Variants in ZNF423 observed in about 807,000 individuals in gnomAD.
The protein encoded by ZNF423 is Ebf-associated zinc finger protein.
Under a neutral mutation model 95.8 loss-of-function variants are expected in ZNF423, and 12 were observed. The observed-to-expected ratio is 0.13, with a 90% CI of 0.08 to 0.20. ZNF423 has a LOEUF of 0.20. ZNF423 is among the 10% of genes least tolerant of loss of function. ZNF423 has a pLI of 1.00. For synonymous variants in ZNF423, 749 were observed against 711.9 expected, an observed-to-expected ratio of 1.05 and a Z score of -0.83; for missense variants, 1,316 against 1,737.1, an observed-to-expected ratio of 0.76 and a Z score of 4.31.
At chr16:49,732,537 T>C (rs945457276) in intron 2 of ZNF423, among the ~76,000 whole-genome samples, 1 of 152,206 alleles carries the variant, frequency 6.6e-6, no homozygotes, top group African/African-American at 2.4e-5. Context: ...TGAAAGCATA[T>C]GTACATATGC....
At chr16:49,613,184 T>C (rs967703885) in intron 5 of ZNF423, among the ~76,000 whole-genome samples, 1 of 152,084 alleles carries the variant, frequency 6.6e-6, no homozygotes, top group East Asian at 1.9e-4. Flanking sequence ...TTCTAAGATA[T>C]ATATGGAAAG....
chr16:49,634,783 C>T (rs1213228375), intron 4 of ZNF423, among the ~76,000 whole-genome samples: 1 of 152,194 alleles, frequency 6.6e-6, no homozygotes, highest in Non-Finnish European at 1.5e-5. Flanking sequence ...ACACAGACTC[C>T]AGGCCCACCA....
chr16:49,590,452 G>A (rs924197890), intron 5 of ZNF423, among the ~76,000 whole-genome samples: 4 of 152,136 alleles, frequency 2.6e-5, no homozygotes, highest in Non-Finnish European at 5.9e-5. Flanking sequence ...AAAAGAGAAA[G>A]CCACAGATAC....
Position 49,636,413 on chromosome 16 carries a change from C to T in ZNF423, c.2763G>A (p.Pro921=), listed in dbSNP as rs571689478. 2.6e-5 allele frequency: 42 copies of T among 1,613,284 alleles called. No homozygotes were observed. The Middle Eastern group carries it at 4.9e-4, about 19-fold the overall frequency. ...TCTTGCGTGAGCCATCATCCTCGCC[C>T]GGCCGGATATTGTGGTCCCGCAGCC... is the stretch of plus-strand genomic sequence containing the variant. ...NHRLRDHNIR[P]GEDDGSRKKA... is the part of the protein sequence containing the mutation. Residue 921 remains proline (P), a synonymous_variant, in exon 4 of 8, where the codon CCG becomes CCA. Transcript: ENST00000563137. This position sits in a 1 kb window ranked among gnomAD's most constrained non-coding sequence, Gnocchi z 8.6.
intron 3 of ZNF423, among the ~76,000 whole-genome samples, chr16:49,657,671 A>G (rs1245531478): frequency 3.3e-5 from 5 of 152,244 alleles, no homozygotes; most frequent in South Asian, 2.1e-4. Flanking sequence ...AGTGGTCTAC[A>G]GCAGCAGGCT....
At chr16:49,619,451 T>C (rs1009506483) in intron 5 of ZNF423, among the ~76,000 whole-genome samples, 4 of 152,140 alleles carry the variant, frequency 2.6e-5, no homozygotes, top group African/African-American at 9.7e-5. Context: ...GGATTCTCCA[T>C]AGACCTAAAC....
intron 1 of ZNF423, among the ~76,000 whole-genome samples, chr16:49,838,038 A>G (rs1013320660): frequency 6.6e-6 from 1 of 152,224 alleles, no homozygotes; most frequent in Non-Finnish European, 1.5e-5. Flanking sequence ...GCCCATCACA[A>G]ACTCAGAACT....
Position 49,637,895 on chromosome 16 carries a change from A to G in ZNF423, c.1281T>C (p.Phe427=). 1.2e-6 allele frequency: 2 copies of G among 1,614,132 alleles called. No individual in the cohort carries two copies. The highest frequency in any genetic ancestry group is 1.7e-5 in the Admixed American group (1 of 60,014). Residue 427 remains phenylalanine, a synonymous_variant, in exon 4 of 8, where the codon TTT becomes TTC. Transcript: ENST00000563137. This position sits in a 1 kb window ranked among gnomAD's most constrained non-coding sequence, Gnocchi z 5.6. Reference sequence around the variant, plus strand: ...GGATCTCCAGCACGGCCAGGCTGTTAAAGTCCCGCTTGGAACAATAGGGGC... The same window carrying G: ...GGATCTCCAGCACGGCCAGGCTGTTGAAGTCCCGCTTGGAACAATAGGGGC... ...YSCPYCSKRD[F]NSLAVLEIHL...
chr16:49,593,970 C>T (rs1231586323), intron 5 of ZNF423, among the ~76,000 whole-genome samples: 1 of 152,090 alleles, frequency 6.6e-6, no homozygotes, highest in African/African-American at 2.4e-5. Flanking sequence ...AGCTTCCTGT[C>T]CCCTGCAGGA....
At chr16:49,838,231 G>A (rs553561930) in intron 1 of ZNF423, among the ~76,000 whole-genome samples, 48 of 151,968 alleles carry the variant, frequency 3.2e-4, no homozygotes, top group Non-Finnish European at 5.9e-4. Context: ...GCAGGCCTGG[G>A]CACCTTGCAG....
intron 1 of ZNF423, chr16:49,847,686 T>A (rs2035260649): frequency 7.1e-6 from 1 of 140,618 alleles, no homozygotes; most frequent in African/African-American, 2.6e-5. Context: ...ACCCTGGAAA[T>A]GGGAGGCTGG....
intron 3 of ZNF423, among the ~76,000 whole-genome samples, chr16:49,692,019 G>A (rs1473920151): frequency 2.0e-5 from 3 of 151,984 alleles, no homozygotes; most frequent in African/African-American, 4.8e-5. Flanking sequence ...GTGCAATCGC[G>A]GCTCACTGCA....
chr16:49,853,704 G>C, intron 1 of ZNF423: 2 of 985,364 alleles, frequency 2.0e-6, no homozygotes, highest in Non-Finnish European at 2.4e-6. Context: ...CTCATTTCAT[G>C]AAAGGCTGAA....
At chr16:49,823,257 C>T (rs1222308082) in intron 1 of ZNF423, among the ~76,000 whole-genome samples, 2 of 152,230 alleles carry the variant, frequency 1.3e-5, no homozygotes, top group Non-Finnish European at 2.9e-5. Context: ...CTCCATTTCA[C>T]GGGGCTTCTG....
chr16:49,494,619 G>A (rs1967088860), intron 7 of ZNF423, among the ~76,000 whole-genome samples: 2 of 152,210 alleles, frequency 1.3e-5, no homozygotes, highest in South Asian at 4.1e-4. Context: ...TGATGGTGGT[G>A]GGGAGCCCAG....
intron 5 of ZNF423, among the ~76,000 whole-genome samples, chr16:49,582,819 C>A (rs1281492807): frequency 6.6e-6 from 1 of 152,202 alleles, no homozygotes; most frequent in Non-Finnish European, 1.5e-5. Context: ...CTTATTAGCA[C>A]CATTTTGAAT....
chr16:49,825,456 T>C (rs1449231028), intron 1 of ZNF423, among the ~76,000 whole-genome samples: 1 of 152,072 alleles, frequency 6.6e-6, no homozygotes, highest in African/African-American at 2.4e-5. Flanking sequence ...TATATACTTT[T>C]TTTTTTCCTG....
At chr16:49,767,120 A>AT (rs2033944201) in intron 2 of ZNF423, among the ~76,000 whole-genome samples, 2 of 151,946 alleles carry the variant, frequency 1.3e-5, no homozygotes, top group African/African-American at 2.4e-5. Context: ...TGCACAGATA[A>AT]TTTTTTTATT....
intron 2 of ZNF423, 53 bp from the exon 3 acceptor site, chr16:49,731,024 G>T: frequency 2.5e-6 from 4 of 1,590,572 alleles, no homozygotes; most frequent in Non-Finnish European, 3.4e-6. Context: ...TTGGGAAAGG[G>T]TTTTAAAAGA....
Sources: gnomAD v4.1 joint callset for allele counts (sites outside exome capture counted in the v4.1 genomes callset) on GRCh38, gnomAD v4.1.1 for gene constraint, Gnocchi (gnomAD v3.1) non-coding constraint, MANE v1.5 for transcripts, NCBI Gene and HGNC (gene_info 2026-07-23, HGNC 2026-07-21) for gene names.